Variants in INPP4B observed in about 807,000 individuals in gnomAD.
INPP4B encodes the protein inositol polyphosphate 4-phosphatase type II.
In INPP4B, 55 loss-of-function variants were observed where a neutral mutation model predicts 122.5. The observed-to-expected ratio is 0.45, with a 90% CI of 0.36 to 0.56. INPP4B has a LOEUF of 0.56. Among genes scored for constraint, INPP4B ranks in the 20% least tolerant of loss-of-function variants. INPP4B has a pLI of 0.00. For missense variants in INPP4B, 1,000 were observed against 1,097.7 expected (o/e 0.91, Z 1.26); for synonymous variants, 403 against 388.7 (o/e 1.04, Z -0.43).
chr4:142,804,339 G>A (rs978001162), intron 1 of INPP4B, among the ~76,000 whole-genome samples: 1 of 152,062 alleles, frequency 6.6e-6, no homozygotes, highest in South Asian at 2.1e-4. Flanking sequence ...CTGCGTCTGG[G>A]TCTTATTCTC....
chr4:142,179,865 T>G (rs1579190995), intron 15 of INPP4B, among the ~76,000 whole-genome samples: 3 of 152,160 alleles, frequency 2.0e-5, no homozygotes, highest in African/African-American at 7.2e-5. Context: ...TTTGCCACCT[T>G]CCAAGGTCTA....
intron 1 of INPP4B, among the ~76,000 whole-genome samples, chr4:142,765,637 T>C (rs956971865): frequency 6.6e-6 from 1 of 152,126 alleles, no homozygotes; most frequent in Admixed American, 6.6e-5. Flanking sequence ...ATCCAGAAAA[T>C]TGTAAGGATT....
intron 21 of INPP4B, among the ~76,000 whole-genome samples, chr4:142,118,379 T>C (rs140836329): frequency 0.013 from 1,904 of 149,198 alleles, 32 homozygotes; most frequent in South Asian, 0.045. Context: ...CATCATGCTA[T>C]CTGACTTCAA....
At chr4:142,548,235 A>G (rs1365446347) in intron 2 of INPP4B, among the ~76,000 whole-genome samples, 2 of 152,320 alleles carry the variant, frequency 1.3e-5, no homozygotes, top group African/African-American at 4.8e-5. Context: ...TGTTTCCAGC[A>G]TGAGAGAATG....
intron 1 of INPP4B, chr4:142,795,394 T>A (rs978549706): frequency 6.6e-6 from 1 of 151,886 alleles, no homozygotes; most frequent in Non-Finnish European, 1.5e-5. Flanking sequence ...TTAACCTGAG[T>A]GGTGGGTGTG....
At chr4:142,471,037 G>C (rs1818721643) in intron 2 of INPP4B, among the ~76,000 whole-genome samples, 1 of 152,134 alleles carries the variant, frequency 6.6e-6, no homozygotes, top group South Asian at 2.1e-4. Flanking sequence ...TTTAAAAGTT[G>C]TATATCTCAT....
At chr4:142,318,391 A>T (rs1768642819) in intron 7 of INPP4B, among the ~76,000 whole-genome samples, 1 of 152,146 alleles carries the variant, frequency 6.6e-6, no homozygotes, top group Admixed American at 6.5e-5. Flanking sequence ...CTGGGTGAGG[A>T]AGGGATGAAG....
At chr4:142,217,255 T>C (rs916802422) in intron 12 of INPP4B, among the ~76,000 whole-genome samples, 4 of 152,178 alleles carry the variant, frequency 2.6e-5, no homozygotes, top group African/African-American at 4.8e-5. Flanking sequence ...AGCCCACTGA[T>C]GATATATTCA....
chr4:142,198,386 T>G (rs1358878407), intron 14 of INPP4B, among the ~76,000 whole-genome samples: 1 of 152,054 alleles, frequency 6.6e-6, no homozygotes, highest in Non-Finnish European at 1.5e-5. Flanking sequence ...ATAAGCAAAA[T>G]TAATTTTGAT....
At chr4:142,626,577 A>G (rs1389785047) in intron 2 of INPP4B, among the ~76,000 whole-genome samples, 1 of 151,980 alleles carries the variant, frequency 6.6e-6, no homozygotes, top group African/African-American at 2.4e-5. Context: ...CCATGTACGA[A>G]TTAAACTCCA....
intron 16 of INPP4B, among the ~76,000 whole-genome samples, chr4:142,161,102 G>A (rs1242648851): frequency 3.3e-5 from 5 of 151,782 alleles, no homozygotes; most frequent in Admixed American, 3.3e-4. Flanking sequence ...AATGGCATAG[G>A]CAGACTTCTT....
At chr4:142,200,231 G>A (rs1333908981) in intron 14 of INPP4B, among the ~76,000 whole-genome samples, 4 of 151,708 alleles carry the variant, frequency 2.6e-5, no homozygotes, top group Admixed American at 2.6e-4. Context: ...AGCGCCTTAA[G>A]GTTGGCTGTT....
At chr4:142,245,151 T>C (rs1405375945) in intron 11 of INPP4B, among the ~76,000 whole-genome samples, 1 of 152,172 alleles carries the variant, frequency 6.6e-6, no homozygotes, top group African/African-American at 2.4e-5. Flanking sequence ...TTGCAAAAAT[T>C]TTCTCCCATT....
At chr4:142,412,984 G>GT (rs1156294039) in intron 5 of INPP4B, among the ~76,000 whole-genome samples, 3 of 152,040 alleles carry the variant, frequency 2.0e-5, no homozygotes, top group Admixed American at 1.3e-4. Flanking sequence ...CAGTTCACTG[G>GT]TTTTAAAGTC....
intron 2 of INPP4B, among the ~76,000 whole-genome samples, chr4:142,657,167 G>C (rs1754317128): frequency 6.6e-6 from 1 of 151,924 alleles, no homozygotes; most frequent in Admixed American, 6.6e-5. Context: ...TAATTAATTT[G>C]GCCTAAAGAA....
chr4:142,309,265 G>T (rs142052204), intron 8 of INPP4B, among the ~76,000 whole-genome samples: 2 of 151,998 alleles, frequency 1.3e-5, no homozygotes, highest in East Asian at 3.9e-4. Flanking sequence ...AAAAGTCTAT[G>T]AGAAATGCCT....
chr4:142,212,225 T>C (rs556781021), intron 12 of INPP4B, among the ~76,000 whole-genome samples: 46 of 152,014 alleles, frequency 3.0e-4, no homozygotes, highest in African/African-American at 1.1e-3. Flanking sequence ...TCCTTTAGAG[T>C]GATGGCAATG....
At chr4:142,038,034 T>C (rs1180169780) in intron 25 of INPP4B, among the ~76,000 whole-genome samples, 1 of 152,164 alleles carries the variant, frequency 6.6e-6, no homozygotes, top group Non-Finnish European at 1.5e-5. Flanking sequence ...CATAGTCTGA[T>C]AGGAAATGGA....
At chr4:142,130,990 A>G (rs1477079340) in intron 18 of INPP4B, among the ~76,000 whole-genome samples, 1 of 152,210 alleles carries the variant, frequency 6.6e-6, no homozygotes, top group Non-Finnish European at 1.5e-5. Context: ...TGAAAGCCTA[A>G]AGTAAATTCT....
Sources: allele counts gnomAD v4.1 joint callset (sites outside exome capture counted in the v4.1 genomes callset), GRCh38; gene constraint gnomAD v4.1.1; transcripts MANE v1.5; gene names NCBI Gene and HGNC (gene_info 2026-07-23, HGNC 2026-07-21).